Variants in FKBP5 observed in about 807,000 individuals in gnomAD.
FKBP5 encodes the protein FKBP prolyl isomerase 5.
A neutral mutation model predicts 50.5 loss-of-function variants in FKBP5; 23 were observed. The ratio of observed to expected loss-of-function variants is 0.46; its 90% CI spans 0.33 to 0.65. The LOEUF is 0.65. Among genes scored for constraint, FKBP5 ranks in the 30% least tolerant of loss-of-function variants. The pLI is 0.02. For synonymous variants in FKBP5, 176 were observed against 190.6 expected (o/e 0.92, Z 0.63); for missense variants, 411 against 553.1 (o/e 0.74, Z 2.58).
In FKBP5 at chr6:35,575,840, C is replaced by T. The variant is rs767540520; in HGVS notation, c.1369G>A (p.Val457Ile). The T allele has an allele frequency of 3.1e-6, 5 of 1,609,988 alleles. No individual in the cohort carries two copies. Among genetic ancestry groups the T allele is most frequent in the African/African-American group, 1.3e-5 (1 of 74,842 alleles). ...CTTCCCTCCTTGGCGTGGCGTCATA[C>T]GTGGCCCTCAGGTTTCTCTTCTTCC... ...AMEEEKPEGH[V>I] is the part of the protein sequence containing the mutation. Residue 457 changes from valine to isoleucine, a missense_variant, in exon 11 of 11, where the codon GTA becomes ATA. Val to Ile is a conservative substitution (Grantham distance 29). This residue lies in a region of FKBP5 where 88 missense variants were observed against 89.0 expected (regional missense o/e 0.99). Transcript: ENST00000357266.
intron 7 of FKBP5, among the ~76,000 whole-genome samples, chr6:35,587,335 A>T (rs370553802): frequency 1.4e-4 from 21 of 152,202 alleles, no homozygotes; most frequent in African/African-American, 4.8e-4. Context: ...AGCTTGAACA[A>T]TGTTGCTCAA....
At chr6:35,612,004 G>C (rs1015540056) in intron 5 of FKBP5, among the ~76,000 whole-genome samples, 4 of 152,112 alleles carry the variant, frequency 2.6e-5, no homozygotes, top group Non-Finnish European at 5.9e-5. Flanking sequence ...TCATTAATTT[G>C]AAGACTGTTA....
Position 35,659,546 on chromosome 6 carries a change from C to T in FKBP5, c.-19-16703G>A, listed in dbSNP as rs983476758. On this transcript the variant is annotated intron_variant, in intron 1 of 10. Coordinates refer to ENST00000357266, the MANE Select transcript of FKBP5 (RefSeq NM_004117.4). Reference sequence around the variant, plus strand: ...ATAGGCGTGAGCCACCAAGCCTGGCCGAATTCAATTTCTTTAATAGATATA... The same window carrying T: ...ATAGGCGTGAGCCACCAAGCCTGGCTGAATTCAATTTCTTTAATAGATATA... Among the ~76,000 whole-genome samples, 38 of 84,898 alleles carry T rather than the reference C, an allele frequency of 4.5e-4. 12 individuals are homozygous for T. Among genetic ancestry groups the T allele is most frequent in the Admixed American group, 2.2e-3 (18 of 8,328 alleles). 55.7% of individuals were successfully genotyped at this position (84,898 alleles called of 152,430 possible).
At chr6:35,636,255 T>C (rs936485262) in intron 3 of FKBP5, among the ~76,000 whole-genome samples, 17 of 152,176 alleles carry the variant, frequency 1.1e-4, no homozygotes, top group African/African-American at 2.9e-4. Flanking sequence ...CAGTGGCAAA[T>C]AGGAGTTCTC....
intron 3 of FKBP5, among the ~76,000 whole-genome samples, chr6:35,623,304 C>T (rs770816954): frequency 2.6e-5 from 4 of 152,086 alleles, no homozygotes; most frequent in Non-Finnish European, 4.4e-5. Context: ...GCACGGTGCC[C>T]GGCACATAAT....
intron 2 of FKBP5, among the ~76,000 whole-genome samples, chr6:35,708,922 C>G (rs894881057): frequency 6.6e-6 from 1 of 152,116 alleles, no homozygotes; most frequent in Admixed American, 6.5e-5. Context: ...ATTGCCTGGC[C>G]ACTTACCTTT....
At chr6:35,594,536 A>G (rs1028044627) in intron 6 of FKBP5, among the ~76,000 whole-genome samples, 1 of 152,162 alleles carries the variant, frequency 6.6e-6, no homozygotes. Context: ...GAAAGTGGGA[A>G]GCTGAATAAA....
intron 4 of FKBP5, among the ~76,000 whole-genome samples, chr6:35,619,713 C>A (rs971952258): frequency 2.0e-5 from 3 of 152,186 alleles, no homozygotes; most frequent in Non-Finnish European, 4.4e-5. Context: ...AATGTTTTAT[C>A]ACCACCAACG....
At chr6:35,677,794 A>C (rs1417171794) in intron 1 of FKBP5, among the ~76,000 whole-genome samples, 1 of 150,896 alleles carries the variant, frequency 6.6e-6, no homozygotes. Flanking sequence ...TTTTTAATTT[A>C]ATTTTTAAAA....
intron 1 of FKBP5, among the ~76,000 whole-genome samples, chr6:35,728,065 G>A (rs953722212): frequency 2.6e-5 from 4 of 152,218 alleles, no homozygotes; most frequent in African/African-American, 9.6e-5. Context: ...CAAACAGGGC[G>A]AGGAGGCTGG....
At chr6:35,667,922 G>T (rs1765275875) in intron 1 of FKBP5, among the ~76,000 whole-genome samples, 1 of 152,032 alleles carries the variant, frequency 6.6e-6, no homozygotes, top group Admixed American at 6.5e-5. Context: ...CTGCGATCCC[G>T]CCACTGCACT....
chr6:35,708,256 A>G (rs570421533), intron 2 of FKBP5, among the ~76,000 whole-genome samples: 7 of 152,254 alleles, frequency 4.6e-5, no homozygotes, highest in East Asian at 1.9e-4. Context: ...CATTCGTACA[A>G]TGGAATTCTT....
At chr6:35,671,823 C>A (rs1765395409) in intron 1 of FKBP5, among the ~76,000 whole-genome samples, 1 of 151,974 alleles carries the variant, frequency 6.6e-6, no homozygotes, top group East Asian at 1.9e-4. Flanking sequence ...GAGAAACCTA[C>A]ACACACAAAC....
chr6:35,583,154 G>A, intron 8 of FKBP5: 1 of 985,422 alleles, frequency 1.0e-6, no homozygotes, highest in Non-Finnish European at 1.2e-6. Context: ...GGGTGGAAAT[G>A]AAAAGTGTTG....
chr6:35,581,282 T>TA (rs1762420870), intron 8 of FKBP5: 7 of 424,460 alleles, frequency 1.6e-5, no homozygotes, highest in African/African-American at 2.2e-5. Flanking sequence ...ATAATATATA[T>TA]ATAATATATA....
At chr6:35,636,191 T>C (rs751809659) in intron 3 of FKBP5, among the ~76,000 whole-genome samples, 1 of 152,158 alleles carries the variant, frequency 6.6e-6, no homozygotes, top group African/African-American at 2.4e-5. Context: ...TACCCACCAA[T>C]CTCATCAGAA....
intron 5 of FKBP5, among the ~76,000 whole-genome samples, chr6:35,603,567 T>C (rs1005920138): frequency 8.5e-5 from 13 of 152,220 alleles, no homozygotes; most frequent in African/African-American, 3.1e-4. Context: ...TAGGAAGCTA[T>C]ACAAATTTTA....
chr6:35,677,119 G>A lies in FKBP5; in HGVS notation c.-20+11685C>T, dbSNP rs889306529. The stretch of plus-strand genomic sequence containing the variant: ...GACGTGGTCTCCCTCTGTCGCCCAG[G>A]CTGGAGTGCAGTGGCGCAATCTCGG... On this transcript the variant is annotated intron_variant, in intron 1 of 10. Transcript: ENST00000357266. Among the ~76,000 whole-genome samples, 3 of 152,186 alleles carry A rather than the reference G, an allele frequency of 2.0e-5. 1 individual carries two copies. Among genetic ancestry groups the A allele is most frequent in the East Asian group, 1.9e-4 (1 of 5,202 alleles).
upstream of FKBP5, among the ~76,000 whole-genome samples, chr6:35,692,819 C>T (rs187208328): frequency 6.8e-6 from 1 of 147,988 alleles, no homozygotes; most frequent in Non-Finnish European, 1.5e-5. Context: ...GAAGAGAATA[C>T]ACGGTAGAGT....
Sources: gnomAD v4.1 joint callset for allele counts (sites outside exome capture counted in the v4.1 genomes callset) on GRCh38, gnomAD v4.1.1 for gene constraint, gnomAD v4.1.1 regional missense constraint, MANE v1.5 for transcripts, NCBI Gene and HGNC (gene_info 2026-07-23, HGNC 2026-07-21) for gene names.